Variants in KCNMB2 observed in about 807,000 individuals in gnomAD.
The protein encoded by KCNMB2 is potassium calcium-activated channel subfamily M regulatory beta subunit 2.
KCNMB2 carries 9 observed loss-of-function variants against 24.5 expected under a neutral mutation model. The observed-to-expected ratio is 0.37, with a 90% CI of 0.22 to 0.64. KCNMB2 has a LOEUF of 0.64. KCNMB2 is among the 30% of genes least tolerant of loss of function. The pLI is 0.63. For synonymous variants in KCNMB2, 109 were observed against 104.4 expected, an observed-to-expected ratio of 1.04 and a Z score of -0.27; for missense variants, 226 against 284.3, an observed-to-expected ratio of 0.79 and a Z score of 1.47.
At chr3:178,623,265 C>T (rs1718985635) in intron 1 of KCNMB2, among the ~76,000 whole-genome samples, 2 of 152,224 alleles carry the variant, frequency 1.3e-5, no homozygotes, top group African/African-American at 4.8e-5. Context: ...TAGGGCCACA[C>T]TTACGTGATT....
intron 1 of KCNMB2, among the ~76,000 whole-genome samples, chr3:178,588,338 A>T (rs1403317752): frequency 6.6e-6 from 1 of 152,160 alleles, no homozygotes; most frequent in East Asian, 1.9e-4. Flanking sequence ...AATTCATTCA[A>T]CTAGTGGGAG....
At chr3:178,701,290 G>C (rs1722082906) in intron 1 of KCNMB2, among the ~76,000 whole-genome samples, 1 of 152,018 alleles carries the variant, frequency 6.6e-6, no homozygotes, top group African/African-American at 2.4e-5. Context: ...TATTTCTGAG[G>C]GCTCTGTTCT....
chr3:178,790,214 C>T (rs1207483841), intron 1 of KCNMB2, among the ~76,000 whole-genome samples: 1 of 151,916 alleles, frequency 6.6e-6, no homozygotes, highest in Non-Finnish European at 1.5e-5. Context: ...GGATTTATCA[C>T]CTGCTGACTA....
chr3:178,547,867 T>TC (rs1715824408), intron 1 of KCNMB2, among the ~76,000 whole-genome samples: 1 of 152,228 alleles, frequency 6.6e-6, no homozygotes, highest in African/African-American at 2.4e-5. Context: ...ACTTCAAAAT[T>TC]CACTTGGCAA....
intron 1 of KCNMB2, among the ~76,000 whole-genome samples, chr3:178,681,240 G>A (rs1007507580): frequency 6.8e-6 from 1 of 147,570 alleles, no homozygotes; most frequent in Non-Finnish European, 1.5e-5. Context: ...CTGAAACCTG[G>A]AGCTGCAGTT....
chr3:178,713,208 T>C (rs1722511237), intron 1 of KCNMB2, among the ~76,000 whole-genome samples: 1 of 152,254 alleles, frequency 6.6e-6, no homozygotes, highest in South Asian at 2.1e-4. Flanking sequence ...GATTACTTTG[T>C]AAATGTTAGA....
intron 1 of KCNMB2, among the ~76,000 whole-genome samples, chr3:178,683,313 G>T (rs1039047712): frequency 6.6e-6 from 1 of 151,394 alleles, no homozygotes; most frequent in Admixed American, 6.6e-5. Context: ...AAAGACTGGG[G>T]ACTACTAGAT....
At chr3:178,567,437 A>G (rs564543327) in intron 1 of KCNMB2, among the ~76,000 whole-genome samples, 1 of 152,284 alleles carries the variant, frequency 6.6e-6, no homozygotes, top group South Asian at 2.1e-4. Flanking sequence ...ATAAATGATC[A>G]CTATATTATT....
chr3:178,615,166 G>A (rs1299661462), intron 1 of KCNMB2, among the ~76,000 whole-genome samples: 2 of 152,182 alleles, frequency 1.3e-5, no homozygotes, highest in Non-Finnish European at 2.9e-5. Flanking sequence ...GCTGAAAGTG[G>A]AGTGACACAC....
At chr3:178,816,083 A>G (rs532223727) in intron 2 of KCNMB2, among the ~76,000 whole-genome samples, 16 of 151,912 alleles carry the variant, frequency 1.1e-4, no homozygotes, top group African/African-American at 3.9e-4. Context: ...TTTGTATACT[A>G]TAAGTACAGT....
At chr3:178,825,520 T>C in intron 2 of KCNMB2, 68 bp from the exon 3 acceptor site, 2 of 1,403,372 alleles carry the variant, frequency 1.4e-6, no homozygotes, top group Non-Finnish European at 2.0e-6. Flanking sequence ...GGGCAGAAAC[T>C]GACCTGCTCT....
intron 2 of KCNMB2, among the ~76,000 whole-genome samples, chr3:178,812,444 G>A (rs371789830): frequency 1.6e-4 from 21 of 135,306 alleles, no homozygotes; most frequent in African/African-American, 5.4e-4. Flanking sequence ...GTGTCCATGT[G>A]TTCTCATTGT....
intron 1 of KCNMB2, among the ~76,000 whole-genome samples, chr3:178,695,211 C>A (rs1721831239): frequency 6.6e-6 from 1 of 152,246 alleles, no homozygotes; most frequent in Non-Finnish European, 1.5e-5. Flanking sequence ...GCTGGAGCAG[C>A]TGGGATACAG....
chr3:178,612,602 C>T (rs1488086515), intron 1 of KCNMB2, among the ~76,000 whole-genome samples: 1 of 151,932 alleles, frequency 6.6e-6, no homozygotes, highest in Admixed American at 6.6e-5. Context: ...TTTTTTCCAA[C>T]CTTTTATTTT....
chr3:178,553,671 G>C (rs1400530919), intron 1 of KCNMB2, among the ~76,000 whole-genome samples: 2 of 152,000 alleles, frequency 1.3e-5, no homozygotes. Context: ...CCAGGGAGCA[G>C]AGATTATGGG....
At chr3:178,664,848 A>T (rs13062050) in intron 1 of KCNMB2, among the ~76,000 whole-genome samples, 39,200 of 152,020 alleles carry the variant, frequency 0.26, 5,636 homozygotes, top group African/African-American at 0.38. Flanking sequence ...CATACAGTGA[A>T]GTCCTAAAGA....
At chr3:178,547,140 T>C (rs747063658) in intron 1 of KCNMB2, among the ~76,000 whole-genome samples, 10 of 152,192 alleles carry the variant, frequency 6.6e-5, no homozygotes, top group Non-Finnish European at 1.5e-4. Context: ...GGGTCCCTAA[T>C]AAATGGACGA....
chr3:178,542,600 T>A (rs1715656322), intron 1 of KCNMB2, among the ~76,000 whole-genome samples: 1 of 152,212 alleles, frequency 6.6e-6, no homozygotes, highest in Non-Finnish European at 1.5e-5. Context: ...AGATTAACTG[T>A]CTTTAATGTA....
At chr3:178,674,839 CCCCT>C (rs1303349089) in intron 1 of KCNMB2, among the ~76,000 whole-genome samples, 1 of 152,180 alleles carries the variant, frequency 6.6e-6, no homozygotes, top group Non-Finnish European at 1.5e-5. Context: ...CCACAATGGC[CCCCT>C]TGCCATTGCT....
Sources: allele counts gnomAD v4.1 joint callset (sites outside exome capture counted in the v4.1 genomes callset), GRCh38; gene constraint gnomAD v4.1.1; transcripts MANE v1.5; gene names NCBI Gene and HGNC (gene_info 2026-07-23, HGNC 2026-07-21).